Variants in PDE4D observed in about 807,000 individuals in gnomAD.
PDE4D encodes 3',5'-cyclic-AMP phosphodiesterase 4D.
PDE4D carries 24 observed loss-of-function variants against 87.4 expected under a neutral mutation model. The ratio of observed to expected loss-of-function variants is 0.27; its 90% CI spans 0.20 to 0.39. The LOEUF is 0.39. Among genes scored for constraint, PDE4D ranks in the 10% least tolerant of loss-of-function variants. The pLI, the probability that PDE4D is intolerant of heterozygous loss-of-function variation, is 1.00. For missense variants in PDE4D, 714 were observed against 1,041.0 expected (o/e 0.69, Z 4.32); for synonymous variants, 384 against 383.2 (o/e 1.00, Z -0.02).
Position 58,975,684 on chromosome 5 carries a change from C to A in PDE4D, c.1986G>T (p.Lys662Asn). 1 of 1,609,778 alleles carries A rather than the reference C, an allele frequency of 6.2e-7. No homozygotes were observed. Among genetic ancestry groups the A allele is most frequent in the Non-Finnish European group, 8.5e-7 (1 of 1,177,944 alleles). The change falls in exon 14 of 15, where the codon AAG becomes AAT. Residue 662 changes from lysine to asparagine, a missense_variant. Lys to Asn is a moderately conservative substitution (Grantham distance 94). Coordinates refer to ENST00000340635, the MANE Select transcript of PDE4D (RefSeq NM_001104631.2). The surrounding 1 kb of genome is among the most constrained non-coding windows in gnomAD (Gnocchi z 4.2). ...RGMEISPMCD[K>N]HNASVEKSQV... is the part of the protein sequence containing the mutation. The stretch of plus-strand genomic sequence containing the variant: ...GTGATTTTTCCACGGAAGCATTGTG[C>A]TTGTCACACATGGGGCTTATCTCCA...
intron 5 of PDE4D, among the ~76,000 whole-genome samples, chr5:59,109,444 T>C (rs1312327095): frequency 2.0e-5 from 3 of 152,198 alleles, no homozygotes; most frequent in African/African-American, 7.2e-5. Flanking sequence ...AAGTGGATCT[T>C]TTCATGGATG....
intron 1 of PDE4D, among the ~76,000 whole-genome samples, chr5:59,880,290 T>C (rs1749251818): frequency 6.6e-6 from 1 of 151,792 alleles, no homozygotes; most frequent in Non-Finnish European, 1.5e-5. Context: ...TTGTATTTTT[T>C]GTAGAGACAG....
chr5:60,378,329 T>C (rs1308516665), intron 1 of PDE4D, among the ~76,000 whole-genome samples: 1 of 152,188 alleles, frequency 6.6e-6, no homozygotes, highest in Non-Finnish European at 1.5e-5. Flanking sequence ...AGCTCCATAC[T>C]CTACTCCTAA....
chr5:59,587,704 C>G (rs1366858094), intron 1 of PDE4D: 2 of 772,016 alleles, frequency 2.6e-6, no homozygotes, highest in South Asian at 5.8e-5. Flanking sequence ...TAGGTGGGTT[C>G]CCAGACATTG....
chr5:60,275,745 T>C (rs1444770217), intron 1 of PDE4D, among the ~76,000 whole-genome samples: 1 of 152,130 alleles, frequency 6.6e-6, no homozygotes, highest in Admixed American at 6.5e-5. Context: ...GGAGTCTTTT[T>C]CTCTTTTTTA....
chr5:59,548,750 C>T (rs1817665197), intron 1 of PDE4D, among the ~76,000 whole-genome samples: 1 of 152,120 alleles, frequency 6.6e-6, no homozygotes, highest in Admixed American at 6.6e-5. Context: ...GAGTTCCTTA[C>T]TGGGGAAAGT....
intron 2 of PDE4D, among the ~76,000 whole-genome samples, chr5:60,031,718 C>T (rs2152860182): frequency 6.6e-6 from 1 of 151,820 alleles, no homozygotes; most frequent in Non-Finnish European, 1.5e-5. Context: ...TATTTAACTG[C>T]TGGAATAGCT....
chr5:60,009,100 T>C (rs182602912), intron 2 of PDE4D, among the ~76,000 whole-genome samples: 1 of 152,156 alleles, frequency 6.6e-6, no homozygotes, highest in East Asian at 1.9e-4. Context: ...AATACAGGCA[T>C]TCAGCTGTTA....
At chr5:59,779,986 T>C (rs948180933) in intron 1 of PDE4D, among the ~76,000 whole-genome samples, 6 of 152,220 alleles carry the variant, frequency 3.9e-5, no homozygotes, top group Admixed American at 1.3e-4. Context: ...CAGCCTTATG[T>C]TGTCATCAAT....
intron 1 of PDE4D, among the ~76,000 whole-genome samples, chr5:60,444,291 C>T (rs1745467059): frequency 6.6e-6 from 1 of 152,112 alleles, no homozygotes; most frequent in Non-Finnish European, 1.5e-5. Flanking sequence ...TTCACACAAG[C>T]CCCTGCCAGT....
At chr5:59,502,190 A>G (rs1808404484) in intron 1 of PDE4D, among the ~76,000 whole-genome samples, 1 of 152,166 alleles carries the variant, frequency 6.6e-6, no homozygotes, top group South Asian at 2.1e-4. Context: ...CCTCAATAGC[A>G]TGAACATATA....
At chr5:60,098,526 T>C (rs1384194483) in intron 2 of PDE4D, among the ~76,000 whole-genome samples, 1 of 152,004 alleles carries the variant, frequency 6.6e-6, no homozygotes, top group East Asian at 1.9e-4. Flanking sequence ...CTGTATTTTA[T>C]TATTTTCATG....
intron 2 of PDE4D, among the ~76,000 whole-genome samples, chr5:60,017,016 A>G (rs1765581300): frequency 6.6e-6 from 1 of 152,230 alleles, no homozygotes; most frequent in Non-Finnish European, 1.5e-5. Flanking sequence ...TTGAAAGTCA[A>G]AATGACTCCT....
At chr5:59,185,940 G>GCAGGACCAATAGGTGTCACT (rs1742812444) in intron 3 of PDE4D, among the ~76,000 whole-genome samples, 1 of 152,112 alleles carries the variant, frequency 6.6e-6, no homozygotes, top group African/African-American at 2.4e-5. Context: ...ACATAACAAG[G>GCAGGACCAATAGGTGTCACT]CAGGACCAAT....
intron 2 of PDE4D, among the ~76,000 whole-genome samples, chr5:60,157,969 C>A (rs1057126660): frequency 5.3e-5 from 8 of 150,912 alleles, no homozygotes; most frequent in African/African-American, 2.0e-4. Flanking sequence ...TTTCCTCTAG[C>A]ATTGAGGGTA....
intron 1 of PDE4D, among the ~76,000 whole-genome samples, chr5:60,366,143 G>T (rs1192473543): frequency 6.6e-6 from 1 of 151,872 alleles, no homozygotes; most frequent in Non-Finnish European, 1.5e-5. Flanking sequence ...AGGACTTGAG[G>T]AGCTGAGCAG....
chr5:59,870,787 T>C (rs1747714320), intron 1 of PDE4D, among the ~76,000 whole-genome samples: 1 of 152,200 alleles, frequency 6.6e-6, no homozygotes, highest in African/African-American at 2.4e-5. Flanking sequence ...CCAAATTTAG[T>C]GCTTTCTTGG....
At chr5:60,226,217 T>C (rs1745081545) in intron 1 of PDE4D, among the ~76,000 whole-genome samples, 2 of 152,142 alleles carry the variant, frequency 1.3e-5, no homozygotes, top group Admixed American at 1.3e-4. Context: ...CTTATTGACA[T>C]GAAAAGGGTT....
At chr5:60,359,742 G>A (rs906887776) in intron 1 of PDE4D, among the ~76,000 whole-genome samples, 2 of 152,098 alleles carry the variant, frequency 1.3e-5, no homozygotes, top group African/African-American at 2.4e-5. Flanking sequence ...CAAAGCTGTT[G>A]TTGCACACTA....
Sources: gnomAD v4.1 joint callset for allele counts (sites outside exome capture counted in the v4.1 genomes callset) on GRCh38, gnomAD v4.1.1 for gene constraint, Gnocchi (gnomAD v3.1) non-coding constraint, MANE v1.5 for transcripts, NCBI Gene and HGNC (gene_info 2026-07-23, HGNC 2026-07-21) for gene names.